The following PRICKLE3 variants were observed in gnomAD, a reference collection of about 807,000 sequenced individuals.
PRICKLE3 encodes LIM domain only protein 6.
In PRICKLE3, 17 loss-of-function variants were observed where a neutral mutation model predicts 33.8. The observed-to-expected ratio is 0.50, with a 90% CI of 0.34 to 0.75. The LOEUF (loss-of-function observed/expected upper bound fraction) is 0.75, where lower values mean the gene tolerates loss of function less well. Among genes scored for constraint, PRICKLE3 ranks in the 30% least tolerant of loss-of-function variants. The probability of loss-of-function intolerance (pLI) is 0.01; values close to 1 mark genes in which losing one functional copy is unlikely to be tolerated. For missense variants in PRICKLE3, 573 were observed against 576.7 expected (o/e 0.99, Z 0.07); for synonymous variants, 211 against 219.6 (o/e 0.96, Z 0.34).
At chrX:49,179,018 C>T (rs963673078) in intron 5 of PRICKLE3, among the ~76,000 whole-genome samples, 9 of 112,094 alleles carry the variant, frequency 8.0e-5, no homozygotes, top group African/African-American at 1.6e-4. Flanking sequence ...AAACCCCACA[C>T]GACAGTGGGA....
At chrX:49,179,433 C>G in intron 4 of PRICKLE3, 45 bp from the exon 5 acceptor site, 3 of 1,196,938 alleles carry the variant, frequency 2.5e-6, no homozygotes, top group Non-Finnish European at 3.4e-6. Context: ...TGATGCCTGT[C>G]CCTGCCCCTC....
rs782520157 is a variant in PRICKLE3, at chrX:49,177,051, C to T, written c.1107G>A (p.Gly369=). The change falls in exon 8 of 9, where the codon GGG becomes GGA. Residue 369 remains glycine, a synonymous_variant. Transcript: ENST00000599218. The part of the protein sequence containing the change: ...LIFCSRACSL[G]SEPTAPGPSR... ...TCGGCCCTGGAGCTGTGGGCTCGGACCCAAGGCTGCAGGCTCGAGAGCAGA... is the reference window on the plus strand; with the variant it reads ...TCGGCCCTGGAGCTGTGGGCTCGGATCCAAGGCTGCAGGCTCGAGAGCAGA... The T allele has an allele frequency of 8.3e-7, 1 of 1,208,514 alleles. No homozygotes were observed.
intron 5 of PRICKLE3, among the ~76,000 whole-genome samples, chrX:49,178,872 C>A (rs1602599624): frequency 8.9e-6 from 1 of 111,818 alleles, no homozygotes; most frequent in South Asian, 3.8e-4. Flanking sequence ...TACCACTGGG[C>A]CCTGCAGACA....
At chrX:49,181,411 C>CAT (rs1703582292) in intron 3 of PRICKLE3, among the ~76,000 whole-genome samples, 1 of 90,891 alleles carries the variant, frequency 1.1e-5, no homozygotes, top group African/African-American at 4.1e-5. Flanking sequence ...TATATATACA[C>CAT]GTATAATTAT....
intron 3 of PRICKLE3, 39 bp from the exon 4 acceptor site, chrX:49,179,845 A>G: frequency 1.2e-6 from 1 of 814,971 alleles, no homozygotes; most frequent in East Asian, 3.5e-5. Flanking sequence ...AACTGAAATG[A>G]GAGGTGAGTT....
At position 49,184,640 on chromosome X, in the gene PRICKLE3, A is replaced by C. The variant is rs1557101640; in HGVS notation, c.113T>G (p.Leu38Arg). 9.0e-7 allele frequency: 1 copy of C among 1,108,783 alleles called. No homozygotes were observed. The highest frequency in any genetic ancestry group is 3.2e-5 in the Admixed American group (1 of 31,499). The allele number at this position is 1,108,783 out of a possible 1,213,427, so 91.4% of individuals were successfully genotyped here. ...NSCREQCPGF[L>R]LHGWRKICQH... is the part of the protein sequence containing the mutation. ...CGCCACTTACCTCCAGCCGTGGAGC[A>C]GGAAGCCAGGGCACTGCTCCCTACA... Residue 38 changes from leucine to arginine, a missense_variant, in exon 2 of 9, where the codon CTG becomes CGG. Physicochemically the swap from Leu to Arg is moderately radical, Grantham distance 102 (BLOSUM62 -2). Coordinates refer to ENST00000599218, the MANE Select transcript of PRICKLE3 (RefSeq NM_006150.5).
In PRICKLE3 at chrX:49,183,762, C is replaced by G; in HGVS notation, c.284G>C (p.Trp95Ser). Residue 95 changes from tryptophan (W) to serine (S), a missense_variant, in exon 3 of 9, where the codon TGG (tryptophan) becomes TCG (serine). Coordinates refer to ENST00000599218, the MANE Select transcript of PRICKLE3 (RefSeq NM_006150.5). The stretch of plus-strand genomic sequence containing the variant: ...CTCCGGCTTAAGGCCTGGGGGCACC[C>G]AGGCATACTCCTCCGATGCACAGCC... Reference protein sequence around the residue: ...DSGCASEEYAWVPPGLKPEQV... With the variant: ...DSGCASEEYASVPPGLKPEQV... 2 of 1,211,059 alleles carry G rather than the reference C, an allele frequency of 1.7e-6. No homozygotes were observed. Among genetic ancestry groups the G allele is most frequent in the Non-Finnish European group, 2.2e-6 (2 of 895,271 alleles).
chrX:49,180,262 C>A (rs1429055245), intron 3 of PRICKLE3, among the ~76,000 whole-genome samples: 4 of 109,956 alleles, frequency 3.6e-5, no homozygotes, highest in Non-Finnish European at 7.6e-5. Flanking sequence ...GAACTCCTGA[C>A]CTCAAGTGAT....
Position 49,174,895 on chromosome X carries a change from C to A in PRICKLE3, c.*778G>T. 1 of 482,801 alleles carries A rather than the reference C, an allele frequency of 2.1e-6. No individual in the cohort carries two copies. Among genetic ancestry groups the A allele is most frequent in the South Asian group, 3.0e-5 (1 of 33,733 alleles). The allele number at this position is 482,801 out of a possible 1,213,427, so 39.8% of individuals were successfully genotyped here. A position where few individuals can be genotyped will look rare whatever the true frequency, so the allele number is the denominator to read the frequency against. The stretch of plus-strand genomic sequence containing the variant: ...GGCCACCATATGTGTGTGCCTAGGT[C>A]CTCCTTCTGCACGATCCAATAGGAG... On this transcript the variant is annotated 3_prime_UTR_variant, in exon 9 of 9. Transcript: ENST00000599218.
Position 49,176,134 on chromosome X carries a change from C to G in PRICKLE3, c.1387G>C (p.Asp463His). Residue 463 changes from aspartate to histidine, a missense_variant, in exon 9 of 9, where the codon GAT becomes CAT. Physicochemically the swap from Asp to His is moderately conservative, Grantham distance 81. Coordinates refer to ENST00000599218, the MANE Select transcript of PRICKLE3 (RefSeq NM_006150.5). ...GTGCTCTGACGACCGAAGGCACTAT[C>G]ATCTGGGCGCAGGTTAGGCTGGCCG... ...SPGQPNLRPD[D>H]SAFGRQSTPR... is the part of the protein sequence containing the mutation. 8.3e-7 allele frequency: 1 copy of G among 1,204,526 alleles called. No homozygotes were observed. The highest frequency in any genetic ancestry group is 3.0e-5 in the East Asian group (1 of 33,714).
Position 49,178,176 on chromosome X carries a change from T to C in PRICKLE3, c.772A>G (p.Ile258Val). The C allele has an allele frequency of 8.4e-7, 1 of 1,186,934 alleles. No individual in the cohort carries two copies. The highest frequency in any genetic ancestry group is 1.1e-6 in the Non-Finnish European group (1 of 880,005). The change falls in exon 7 of 9, where the codon ATC (isoleucine) becomes GTC (valine). Residue 258 changes from isoleucine (I) to valine (V), a missense_variant. By Grantham distance (29) the Ile-to-Val change is conservative. Transcript: ENST00000599218. ...RPRCQACDEI[I>V]FSPECTEAEG... ...GCCTCCGTGCACTCAGGGGAGAAGATGATCTGGAGGGCGCAGGCCATCTGT... is the reference window on the plus strand; with the variant it reads ...GCCTCCGTGCACTCAGGGGAGAAGACGATCTGGAGGGCGCAGGCCATCTGT...
At position 49,181,015 on chromosome X, in the gene PRICKLE3, C is replaced by T. The variant is rs956079167; in HGVS notation, c.313-1209G>A. Among the ~76,000 whole-genome samples the T allele has an allele frequency of 9.1e-5, 10 of 110,214 alleles. No individual in the cohort carries two copies. The East Asian group carries it at 2.6e-3, about 28-fold the overall frequency. On this transcript the variant is annotated intron_variant, in intron 3 of 8. Transcript: ENST00000599218. Reference sequence around the variant, plus strand: ...CCACATCAGTTAATCTACCTATCCTCAGGGTCATCTTTCACTCCTCTTTCT... The same window carrying T: ...CCACATCAGTTAATCTACCTATCCTTAGGGTCATCTTTCACTCCTCTTTCT...
intron 3 of PRICKLE3, among the ~76,000 whole-genome samples, chrX:49,183,100 A>C (rs1172453730): frequency 8.9e-6 from 1 of 112,315 alleles, no homozygotes; most frequent in Non-Finnish European, 1.9e-5. Context: ...CTGGGATTAC[A>C]GGCGTGAGCC....
intron 1 of PRICKLE3, among the ~76,000 whole-genome samples, chrX:49,185,833 G>A (rs893544368): frequency 4.8e-5 from 5 of 105,051 alleles, no homozygotes; most frequent in Non-Finnish European, 9.8e-5. Flanking sequence ...CCCAGGAGGC[G>A]GAGGTTGCAG....
Position 49,184,833 on chromosome X carries a change from G to A in PRICKLE3, c.43-123C>T, listed in dbSNP as rs897457433. On this transcript the variant is annotated intron_variant, in intron 1 of 8. Transcript: ENST00000599218. Reference sequence around the variant, plus strand: ...CGCTGGGGCCTGTCTTACCTGGGCAGCGCTGGGCAGGCTGGGACAGCGCCC... The same window carrying A: ...CGCTGGGGCCTGTCTTACCTGGGCAACGCTGGGCAGGCTGGGACAGCGCCC... The A allele has an allele frequency of 1.5e-5, 18 of 1,162,711 alleles. No homozygotes were observed. The African/African-American group carries it at 2.1e-4, about 14-fold the overall frequency.
chrX:49,185,358 A>G (rs1472138152), intron 1 of PRICKLE3, among the ~76,000 whole-genome samples: 1 of 110,949 alleles, frequency 9.0e-6, no homozygotes, highest in Non-Finnish European at 1.9e-5. Flanking sequence ...TACCCATCCC[A>G]TCCTAGGGCT....
Position 49,183,896 on chromosome X carries a change from T to A in PRICKLE3, c.150A>T (p.Lys50Asn), listed in dbSNP as rs1373649535. 1.7e-6 allele frequency: 2 copies of A among 1,206,898 alleles called. No individual in the cohort carries two copies. Among genetic ancestry groups the A allele is most frequent in the Admixed American group, 4.4e-5 (2 of 45,875 alleles). The change falls in exon 3 of 9, where the codon AAA (lysine) becomes AAT (asparagine). Residue 50 changes from lysine to asparagine, a missense_variant. Transcript: ENST00000599218. ...GCACTGCATGCTCCTCCCGCGGGCATTTGCAATGCTGGCAGATCTTTCTGA... is the reference window on the plus strand; with the variant it reads ...GCACTGCATGCTCCTCCCGCGGGCAATTGCAATGCTGGCAGATCTTTCTGA... Reference protein sequence around the residue: ...HGWRKICQHCKCPREEHAVHA... With the variant: ...HGWRKICQHCNCPREEHAVHA...
chrX:49,179,952 C>A, intron 3 of PRICKLE3, 146 bp from the exon 4 acceptor site: 5 of 351,543 alleles, frequency 1.4e-5, no homozygotes, highest in Non-Finnish European at 1.5e-5. Flanking sequence ...AAAGGCGGAT[C>A]ATTTCCCTCA....
chrX:49,178,599 C>G (rs942398678), intron 5 of PRICKLE3, 124 bp from the exon 6 acceptor site: 6 of 694,548 alleles, frequency 8.6e-6, no homozygotes, highest in Non-Finnish European at 1.3e-5. Flanking sequence ...ATCAGCCCCA[C>G]CCATGGGGTA....
Sources: allele counts gnomAD v4.1 joint callset (sites outside exome capture counted in the v4.1 genomes callset), GRCh38; gene constraint gnomAD v4.1.1; transcripts MANE v1.5; gene names NCBI Gene and HGNC (gene_info 2026-07-23, HGNC 2026-07-21).